TRPM3: variants seen among roughly 807,000 people sequenced by gnomAD.
TRPM3 encodes the protein long transient receptor potential channel 3.
In TRPM3, 77 loss-of-function variants were observed where a neutral mutation model predicts 181.2. The observed-to-expected ratio is 0.42, with a 90% CI of 0.35 to 0.51. The LOEUF (loss-of-function observed/expected upper bound fraction) is 0.51, where lower values mean the gene tolerates loss of function less well. Among genes scored for constraint, TRPM3 ranks in the 20% least tolerant of loss-of-function variants. The pLI, the probability that TRPM3 is intolerant of heterozygous loss-of-function variation, is 0.01. For missense variants in TRPM3, 1,759 were observed against 2,196.7 expected (o/e 0.80, Z 3.98); for synonymous variants, 745 against 796.4 (o/e 0.94, Z 1.09).
rs151245324 is a variant in TRPM3, at chr9:70,602,392, A to G, written c.2796+950T>C. The stretch of plus-strand genomic sequence containing the variant: ...AAGAATGAAGTTGTGGATTTGTAGG[A>G]GTCCTTTTTTCCTATGGTGCCCAGT... On this transcript the variant is annotated intron_variant, in intron 20 of 25. Transcript: ENST00000677713. Among the ~76,000 whole-genome samples, 838 of 152,236 alleles carry G rather than the reference A, an allele frequency of 5.5e-3. 11 individuals are homozygous for G. The highest frequency in any genetic ancestry group is 0.02 in the African/African-American group (812 of 41,526).
chr9:71,223,897 G>A (rs989698129), intron 1 of TRPM3, among the ~76,000 whole-genome samples: 2 of 152,210 alleles, frequency 1.3e-5, no homozygotes, highest in African/African-American at 4.8e-5. Context: ...AGATTTCTAA[G>A]GTTTCTGACT....
At chr9:71,281,871 G>A (rs2084735801) in intron 1 of TRPM3, among the ~76,000 whole-genome samples, 1 of 152,010 alleles carries the variant, frequency 6.6e-6, no homozygotes, top group Admixed American at 6.6e-5. Context: ...AGACCAGCCT[G>A]ACCAACATGG....
chr9:71,059,460 C>A (rs956023883), intron 1 of TRPM3, among the ~76,000 whole-genome samples: 2 of 152,052 alleles, frequency 1.3e-5, no homozygotes, highest in African/African-American at 4.8e-5. Context: ...CTGTTTAGTT[C>A]TGAGTACCAT....
intron 1 of TRPM3, among the ~76,000 whole-genome samples, chr9:71,391,511 T>C (rs1326269950): frequency 6.6e-6 from 1 of 152,064 alleles, no homozygotes; most frequent in African/African-American, 2.4e-5. Flanking sequence ...TATGCCCAGA[T>C]TAAAATGACT....
chr9:70,559,886 A>G (rs2048641645), intron 22 of TRPM3, among the ~76,000 whole-genome samples: 1 of 152,168 alleles, frequency 6.6e-6, no homozygotes, highest in South Asian at 2.1e-4. Context: ...ACGAGGGACC[A>G]TCCTGAGAGG....
At position 70,533,297 on chromosome 9, in the gene TRPM3, G is replaced by A. The variant is rs2041140221; in HGVS notation, c.*2656C>T. The A allele has an allele frequency of 6.6e-6, 1 of 152,018 alleles. No individual in the cohort carries two copies. The highest frequency in any genetic ancestry group is 1.5e-5 in the Non-Finnish European group (1 of 68,008). 9.4% of individuals were successfully genotyped at this position (152,018 alleles called of 1,614,324 possible). A position where few individuals can be genotyped will look rare whatever the true frequency, so the allele number is the denominator to read the frequency against. ...TTGGATTCCTCTATAGACCCTTCAG[G>A]GAGACTTCAGCATTGTGATTGTGCT... On this transcript the variant is annotated 3_prime_UTR_variant, in exon 26 of 26. Coordinates refer to ENST00000677713, the MANE Select transcript of TRPM3 (RefSeq NM_001366145.2).
intron 1 of TRPM3, among the ~76,000 whole-genome samples, chr9:70,948,295 T>A (rs987072496): frequency 9.2e-5 from 14 of 152,158 alleles, no homozygotes; most frequent in Non-Finnish European, 7.3e-5. Context: ...TTATTATTAT[T>A]TTTTAGCCTG....
At chr9:70,861,426 G>T (rs967920493) in intron 3 of TRPM3, among the ~76,000 whole-genome samples, 1 of 152,148 alleles carries the variant, frequency 6.6e-6, no homozygotes, top group South Asian at 2.1e-4. Context: ...ATGATGACCA[G>T]AGGCTTATCA....
At chr9:70,988,505 G>A (rs1351288653) in intron 1 of TRPM3, among the ~76,000 whole-genome samples, 3 of 152,130 alleles carry the variant, frequency 2.0e-5, no homozygotes, top group Non-Finnish European at 4.4e-5. Flanking sequence ...TGCTAGGTGA[G>A]CGTCCACTGT....
At chr9:70,679,334 T>C (rs1644483541) in intron 9 of TRPM3, among the ~76,000 whole-genome samples, 1 of 152,216 alleles carries the variant, frequency 6.6e-6, no homozygotes, top group Non-Finnish European at 1.5e-5. Context: ...CTCAAAAATG[T>C]TGGAAAACAA....
intron 1 of TRPM3, among the ~76,000 whole-genome samples, chr9:71,351,280 T>C (rs1187034615): frequency 6.6e-6 from 1 of 152,220 alleles, no homozygotes; most frequent in East Asian, 1.9e-4. Flanking sequence ...AAAATCAGCC[T>C]TAGTTTAGAC....
chr9:71,221,214 C>A (rs1309677860), intron 1 of TRPM3, among the ~76,000 whole-genome samples: 1 of 152,200 alleles, frequency 6.6e-6, no homozygotes, highest in Non-Finnish European at 1.5e-5. Flanking sequence ...ACTCTCAATG[C>A]AGTTGCTCTT....
intron 1 of TRPM3, among the ~76,000 whole-genome samples, chr9:71,118,976 G>A (rs11142693): frequency 0.46 from 69,951 of 151,942 alleles, 16,500 homozygotes; most frequent in South Asian, 0.55. Context: ...GAATACATAG[G>A]AACTAGCAAA....
At chr9:71,285,531 C>T (rs958014453) in intron 1 of TRPM3, among the ~76,000 whole-genome samples, 2 of 152,086 alleles carry the variant, frequency 1.3e-5, no homozygotes, top group African/African-American at 2.4e-5. Flanking sequence ...GCTGCCGATC[C>T]GTTCACTTGG....
intron 6 of TRPM3, among the ~76,000 whole-genome samples, chr9:70,809,222 G>A (rs12002234): frequency 0.31 from 46,596 of 151,908 alleles, 8,529 homozygotes; most frequent in African/African-American, 0.51. Flanking sequence ...GTTTTAAAAC[G>A]TTAAAAAGTT....
At chr9:71,390,908 G>GA (rs1565526206) in intron 1 of TRPM3, among the ~76,000 whole-genome samples, 1 of 151,872 alleles carries the variant, frequency 6.6e-6, no homozygotes, top group African/African-American at 2.4e-5. Flanking sequence ...TGAGTGTGGG[G>GA]AAAATTATAG....
intron 25 of TRPM3, among the ~76,000 whole-genome samples, chr9:70,548,241 C>T (rs1047057151): frequency 6.6e-6 from 1 of 152,168 alleles, no homozygotes; most frequent in Non-Finnish European, 1.5e-5. Context: ...GTTTCTTCTT[C>T]TGTTTGCCAG....
chr9:71,172,961 A>T (rs2076938691), intron 1 of TRPM3, among the ~76,000 whole-genome samples: 1 of 152,224 alleles, frequency 6.6e-6, no homozygotes, highest in South Asian at 2.1e-4. Flanking sequence ...GGGCATAAAC[A>T]CACAGAAAAC....
Position 70,537,169 on chromosome 9 carries a change from C to T in TRPM3, c.3944G>A (p.Ser1315Asn). 1 of 1,588,904 alleles carries T rather than the reference C, an allele frequency of 6.3e-7. No homozygotes were observed. The highest frequency in any genetic ancestry group is 1.1e-5 in the South Asian group (1 of 89,234). ...GAGCTTGAAGGTGTTCCCTTCCTGG[C>T]TGTTGAAGCTGCTCTGACGGACAAT... is the stretch of plus-strand genomic sequence containing the variant. The part of the protein sequence containing the change: ...AYIVRQSSFN[S>N]QEGNTFKLQE... Residue 1315 changes from serine to asparagine, a missense_variant, in exon 26 of 26, where the codon AGC becomes AAC. Physicochemically the swap from Ser to Asn is conservative, Grantham distance 46. Around this residue, in one of 8 missense-constraint regions of TRPM3, gnomAD observed 612 missense variants for 590.0 expected, o/e 1.04. Transcript: ENST00000677713.
Sources: gnomAD v4.1 joint callset for allele counts (sites outside exome capture counted in the v4.1 genomes callset) on GRCh38, gnomAD v4.1.1 for gene constraint, gnomAD v4.1.1 regional missense constraint, MANE v1.5 for transcripts, NCBI Gene and HGNC (gene_info 2026-07-23, HGNC 2026-07-21) for gene names.